The following CLCN6 variants were observed in gnomAD, a reference collection of about 807,000 sequenced individuals.
CLCN6 encodes H(+)/Cl(-) exchange transporter 6.
CLCN6 carries 70 observed loss-of-function variants against 109.8 expected under a neutral mutation model. The observed-to-expected ratio is 0.64, with a 90% CI of 0.53 to 0.78. The LOEUF is 0.78. Among genes scored for constraint, CLCN6 ranks in the 30% least tolerant of loss-of-function variants. The pLI is 0.00. For missense variants in CLCN6, 984 were observed against 1,142.3 expected (o/e 0.86, Z 2.00); for synonymous variants, 444 against 447.8 (o/e 0.99, Z 0.11).
chr1:11,834,602 A>G lies in CLCN6; in HGVS notation c.1793+12A>G, dbSNP rs1644922206. The G allele has an allele frequency of 1.9e-6, 3 of 1,609,172 alleles. No homozygotes were observed. Among genetic ancestry groups the G allele is most frequent in the Non-Finnish European group, 1.7e-6 (2 of 1,175,860 alleles). ...GTGGAAATGGACAAGTAAGGCCATG[A>G]TTTTGCTCATGTCCTAGTTTCAGAA... On this transcript the variant is annotated intron_variant, in intron 17 of 22. Transcript: ENST00000346436. This position sits in a 1 kb window ranked among gnomAD's most constrained non-coding sequence, Gnocchi z 4.5.
At chr1:11,826,829 A>T (rs1644817608) in intron 9 of CLCN6, among the ~76,000 whole-genome samples, 1 of 152,142 alleles carries the variant, frequency 6.6e-6, no homozygotes, top group African/African-American at 2.4e-5. Flanking sequence ...AGATTCTGAG[A>T]TCACAGAAAA....
In CLCN6 at chr1:11,840,328, C is replaced by A; in HGVS notation, c.*105C>A. 3.0e-6 allele frequency: 3 copies of A among 992,370 alleles called. No homozygotes were observed. The highest frequency in any genetic ancestry group is 4.8e-6 in the Non-Finnish European group (3 of 629,332). The allele number at this position is 992,370 out of a possible 1,614,324, so 61.5% of individuals were successfully genotyped here. A position where few individuals can be genotyped will look rare whatever the true frequency, so the allele number is the denominator to read the frequency against. On this transcript the variant is annotated 3_prime_UTR_variant, in exon 23 of 23. Transcript: ENST00000346436. Reference sequence around the variant, plus strand: ...TTCCGGGGCATGGAAGATTCCCAGTCACCCACTCACTCAGAAAGCCGGGAG... The same window carrying A: ...TTCCGGGGCATGGAAGATTCCCAGTAACCCACTCACTCAGAAAGCCGGGAG...
At chr1:11,823,054 CTG>C (rs1425063891) in intron 6 of CLCN6, among the ~76,000 whole-genome samples, 4 of 152,228 alleles carry the variant, frequency 2.6e-5, no homozygotes, top group Admixed American at 6.5e-5. Flanking sequence ...GAAAACAAAA[CTG>C]TTGGGTGCCA....
chr1:11,826,124 C>G, intron 8 of CLCN6, 32 bp from the exon 9 acceptor site: 1 of 1,543,714 alleles, frequency 6.5e-7, no homozygotes, highest in East Asian at 2.3e-5. Flanking sequence ...TATGAGTAGG[C>G]TCTTTAGTGG....
chr1:11,841,039 C>T lies in CLCN6; in HGVS notation c.*816C>T, dbSNP rs1041042706. ...TTTCATTTCCTTAAGTTTTGATCTCCGTCTTCCTGATGAAGCAGGCAGAGC... is the reference window on the plus strand; with the variant it reads ...TTTCATTTCCTTAAGTTTTGATCTCTGTCTTCCTGATGAAGCAGGCAGAGC... On this transcript the variant is annotated 3_prime_UTR_variant, in exon 23 of 23. Coordinates refer to ENST00000346436, the MANE Select transcript of CLCN6 (RefSeq NM_001286.5). 2.0e-5 allele frequency: 3 copies of T among 152,500 alleles called. No homozygotes were observed. The highest frequency in any genetic ancestry group is 1.9e-4 in the East Asian group (1 of 5,198). 9.4% of individuals were successfully genotyped at this position (152,500 alleles called of 1,614,324 possible).
chr1:11,834,055 T>C lies in CLCN6; in HGVS notation c.1526+25T>C, dbSNP rs1024487402. On this transcript the variant is annotated intron_variant, in intron 15 of 22. Coordinates refer to ENST00000346436, the MANE Select transcript of CLCN6 (RefSeq NM_001286.5). This position sits in a 1 kb window ranked among gnomAD's most constrained non-coding sequence, Gnocchi z 4.5. ...GGTACTCTGTGTGTGTGCGTGTGTG[T>C]GCGCATGTGCATGTGTGTGCACGTG... 1.7e-5 allele frequency: 28 copies of C among 1,611,740 alleles called. No individual in the cohort carries two copies. Among genetic ancestry groups the C allele is most frequent in the East Asian group, 2.2e-5 (1 of 44,880 alleles).
intron 6 of CLCN6, 150 bp downstream of exon 6, chr1:11,822,951 TG>T (rs1186739226): frequency 9.8e-6 from 6 of 610,088 alleles, no homozygotes; most frequent in Middle Eastern, 3.4e-4. Flanking sequence ...GTTTCACCTC[TG>T]GTGAGATTAA....
chr1:11,837,508 C>T lies in CLCN6; in HGVS notation c.2295+9C>T. The T allele has an allele frequency of 6.2e-7, 1 of 1,611,272 alleles. No individual in the cohort carries two copies. Among genetic ancestry groups the T allele is most frequent in the Non-Finnish European group, 8.5e-7 (1 of 1,177,734 alleles). ...ACTCTGAAAGCCAGTCGGTAAGTCT[C>T]TCCGAGGCAGAAATCAGCCAGGCCA... On this transcript the variant is annotated intron_variant, in intron 20 of 22. Transcript: ENST00000346436.
chr1:11,807,072 C>A, intron 1 of CLCN6, 59 bp from the exon 2 acceptor site: 2 of 1,418,760 alleles, frequency 1.4e-6, no homozygotes, highest in Non-Finnish European at 1.0e-6. Context: ...GTAAATACTT[C>A]TGCCTCCTTC....
At chr1:11,822,159 T>C (rs1397186464) in intron 5 of CLCN6, among the ~76,000 whole-genome samples, 3 of 152,190 alleles carry the variant, frequency 2.0e-5, no homozygotes, top group African/African-American at 4.8e-5. Flanking sequence ...ATATATGGCA[T>C]GTTGTTGAGA....
chr1:11,833,601 G>T lies in CLCN6; in HGVS notation c.1335G>T (p.Pro445=), dbSNP rs1302255634. ...YNDMATLFFN[P]QESAILQLFH... is the part of the protein sequence containing the mutation. The stretch of plus-strand genomic sequence containing the variant: ...ACATGGCCACACTCTTCTTCAACCC[G>T]CAGGAGTCTGCCATCCTCCAGCTCT... Residue 445 remains proline (P), a synonymous_variant, in exon 14 of 23, where the codon CCG becomes CCT. Transcript: ENST00000346436. 3 of 1,613,832 alleles carry T rather than the reference G, an allele frequency of 1.9e-6. No individual in the cohort carries two copies. Among genetic ancestry groups the T allele is most frequent in the East Asian group, 2.2e-5 (1 of 44,890 alleles).
intron 9 of CLCN6, among the ~76,000 whole-genome samples, chr1:11,826,803 C>T (rs928571949): frequency 1.3e-5 from 2 of 152,136 alleles, no homozygotes; most frequent in Non-Finnish European, 2.9e-5. Context: ...TGATCTGCCC[C>T]CTGAGCTGGG....
At chr1:11,825,148 G>A (rs1160144855) in intron 8 of CLCN6, among the ~76,000 whole-genome samples, 2 of 152,310 alleles carry the variant, frequency 1.3e-5, no homozygotes, top group South Asian at 2.1e-4. Context: ...CAGATCCCTG[G>A]CTGCTGTTGG....
At position 11,833,443 on chromosome 1, in the gene CLCN6, G is replaced by A. The variant is rs567440986; in HGVS notation, c.1249-72G>A. 9.3e-5 allele frequency: 142 copies of A among 1,530,796 alleles called. No individual in the cohort carries two copies. The South Asian group carries it at 1.4e-3, about 16-fold the overall frequency. The allele number at this position is 1,530,796 out of a possible 1,614,324, so 94.8% of individuals were successfully genotyped here. On this transcript the variant is annotated intron_variant, in intron 13 of 22. Coordinates refer to ENST00000346436, the MANE Select transcript of CLCN6 (RefSeq NM_001286.5). ...CTGTGCAGCCACCTGTTTTGGACCCGGCTGGAGACATCCCACTTGAAGACT... is the reference window on the plus strand; with the variant it reads ...CTGTGCAGCCACCTGTTTTGGACCCAGCTGGAGACATCCCACTTGAAGACT...
chr1:11,838,523 G>T lies in CLCN6; in HGVS notation c.2404-12G>T. On this transcript the variant is annotated splice_polypyrimidine_tract_variant and intron_variant, in intron 21 of 22. Transcript: ENST00000346436. ...CGTCTCAGGCAGTCAGTGACACGTG[G>T]TCTCTTTGCAGGATGTCACCCCATA... 1.2e-6 allele frequency: 2 copies of T among 1,607,250 alleles called. No individual in the cohort carries two copies. The highest frequency in any genetic ancestry group is 1.7e-6 in the Non-Finnish European group (2 of 1,174,342).
In CLCN6 at chr1:11,828,534, G is replaced by A; in HGVS notation, c.1031G>A (p.Gly344Glu). 1 of 1,614,072 alleles carries A rather than the reference G, an allele frequency of 6.2e-7. No homozygotes were observed. Among genetic ancestry groups the A allele is most frequent in the Non-Finnish European group, 8.5e-7 (1 of 1,180,014 alleles). The change falls in exon 12 of 23, where the codon GGG becomes GAG. Residue 344 changes from glycine to glutamate, a missense_variant. Coordinates refer to ENST00000346436, the MANE Select transcript of CLCN6 (RefSeq NM_001286.5). The stretch of plus-strand genomic sequence containing the variant: ...TTCTTCGTCGTGATGGGGGTCATTG[G>A]GGGCCTCCTGGGAGCCACATTCAAC... ...LGFFVVMGVI[G>E]GLLGATFNCL...
Position 11,842,744 on chromosome 1 carries a change from G to A in CLCN6, c.*2521G>A, listed in dbSNP as rs758259286. On this transcript the variant is annotated 3_prime_UTR_variant, in exon 23 of 23. Transcript: ENST00000346436. Reference sequence around the variant, plus strand: ...GGGACCTTGTGCTGAGGGATGATTTGCTCCTGACCTTGATTAACTTAACAG... The same window carrying A: ...GGGACCTTGTGCTGAGGGATGATTTACTCCTGACCTTGATTAACTTAACAG... 1.3e-5 allele frequency: 2 copies of A among 152,274 alleles called. No individual in the cohort carries two copies. Among genetic ancestry groups the A allele is most frequent in the Non-Finnish European group, 2.9e-5 (2 of 68,058 alleles). The allele number at this position is 152,274 out of a possible 1,614,324, so 9.4% of individuals were successfully genotyped here.
chr1:11,829,254 A>G lies in CLCN6; in HGVS notation c.1180A>G (p.Met394Val). The change falls in exon 13 of 23, where the codon ATG becomes GTG. Residue 394 changes from methionine (M) to valine (V), a missense_variant. Physicochemically the swap from Met to Val is conservative, Grantham distance 21. Transcript: ENST00000346436. ...CACCGTGGTGGTGTTTGTGGCCTCG[A>G]TGGTGTTAGGAGAATGCCGACAGAT... ...VTTVVVFVAS[M>V]VLGECRQMSS... is the part of the protein sequence containing the mutation. 1 of 1,614,126 alleles carries G rather than the reference A, an allele frequency of 6.2e-7. No homozygotes were observed. Among genetic ancestry groups the G allele is most frequent in the Non-Finnish European group, 8.5e-7 (1 of 1,180,008 alleles).
intron 5 of CLCN6, 79 bp from the exon 6 acceptor site, chr1:11,822,616 G>A: frequency 1.2e-6 from 1 of 830,184 alleles, no homozygotes; most frequent in Non-Finnish European, 2.0e-6. Context: ...ATCCAAAGGA[G>A]AAGCAGCTGC....
Sources: gnomAD v4.1 joint callset for allele counts (sites outside exome capture counted in the v4.1 genomes callset) on GRCh38, gnomAD v4.1.1 for gene constraint, Gnocchi (gnomAD v3.1) non-coding constraint, MANE v1.5 for transcripts, NCBI Gene and HGNC (gene_info 2026-07-23, HGNC 2026-07-21) for gene names.